Variants in CCT6B observed in about 807,000 individuals in gnomAD.
CCT6B encodes probable T-complex protein 1 subunit zeta-2.
Under a neutral mutation model 61.5 loss-of-function variants are expected in CCT6B, and 49 were observed. The ratio of observed to expected loss-of-function variants is 0.80; its 90% CI spans 0.63 to 1.01. CCT6B has a LOEUF of 1.01. CCT6B is among the 50% of genes least tolerant of loss of function. CCT6B has a pLI of 0.00. For missense variants in CCT6B, 666 were observed against 634.7 expected (o/e 1.05, Z -0.53); for synonymous variants, 228 against 214.5 (o/e 1.06, Z -0.55).
intron 1 of CCT6B, among the ~76,000 whole-genome samples, chr17:34,960,896 C>CA (rs2090406501): frequency 6.6e-6 from 1 of 152,186 alleles, no homozygotes; most frequent in Non-Finnish European, 1.5e-5. Context: ...CATTGCCATA[C>CA]AAAAAACAAA....
chr17:34,949,473 A>AG (rs2090266053), intron 5 of CCT6B: 2 of 145,088 alleles, frequency 1.4e-5, no homozygotes, highest in South Asian at 5.0e-4. Flanking sequence ...AAAAAAAAAA[A>AG]GAAAGGAAAG....
At chr17:34,953,335 A>C (rs1384600826) in intron 4 of CCT6B, among the ~76,000 whole-genome samples, 1 of 128,914 alleles carries the variant, frequency 7.8e-6, no homozygotes, top group Non-Finnish European at 1.7e-5. Flanking sequence ...ATATATATAT[A>C]TATATATTTT....
At chr17:34,947,690 C>G (rs2090239678) in intron 5 of CCT6B, among the ~76,000 whole-genome samples, 1 of 152,050 alleles carries the variant, frequency 6.6e-6, no homozygotes. Flanking sequence ...ATGCAAAAAG[C>G]TACACAGATG....
chr17:34,959,548 G>A, intron 2 of CCT6B, 39 bp downstream of exon 2: 1 of 1,441,360 alleles, frequency 6.9e-7, no homozygotes, highest in Non-Finnish European at 9.8e-7. Context: ...TCTAATTAAG[G>A]CTTATTAAGG....
Position 34,939,293 on chromosome 17 carries a change from T to A in CCT6B, c.1103A>T (p.Asn368Ile). 6.2e-7 allele frequency: 1 copy of A among 1,613,508 alleles called. No homozygotes were observed. Among genetic ancestry groups the A allele is most frequent in the Non-Finnish European group, 8.5e-7 (1 of 1,179,708 alleles). Residue 368 changes from asparagine (N) to isoleucine (I), a missense_variant, in exon 10 of 14, where the codon AAC becomes ATC. Transcript: ENST00000314144. Reference sequence around the variant, plus strand: ...AACCAACAAGGTAACAGAGCAAGGGTTAACACACTCCTCAATAAAAGTGAA... The same window carrying A: ...AACCAACAAGGTAACAGAGCAAGGGATAACACACTCCTCAATAAAAGTGAA... ...EKFTFIEECVNPCSVTLLVKG... is the reference protein window; with the variant it reads ...EKFTFIEECVIPCSVTLLVKG...
At chr17:34,950,233 A>G (rs1296778038) in intron 5 of CCT6B, among the ~76,000 whole-genome samples, 1 of 152,258 alleles carries the variant, frequency 6.6e-6, no homozygotes, top group Admixed American at 6.5e-5. Flanking sequence ...AGAAAAATTT[A>G]AGGTCTTAAG....
chr17:34,934,521 A>C (rs572223467), intron 10 of CCT6B, among the ~76,000 whole-genome samples: 7 of 152,322 alleles, frequency 4.6e-5, no homozygotes, highest in Admixed American at 1.3e-4. Flanking sequence ...GCAGCAAATC[A>C]GATTTAGCTC....
In CCT6B at chr17:34,927,865, C is replaced by T. The variant is rs1470746325; in HGVS notation, c.*183G>A. ...GAAATATTTAAATATTATTCCTTTA[C>T]TGTAAAAGTATTTATTGTGTTCTTT... On this transcript the variant is annotated 3_prime_UTR_variant, in exon 14 of 14. Transcript: ENST00000314144. 6 of 440,428 alleles carry T rather than the reference C, an allele frequency of 1.4e-5. No homozygotes were observed. The highest frequency in any genetic ancestry group is 4.3e-5 in the Admixed American group (1 of 23,528). 27.3% of individuals were successfully genotyped at this position (440,428 alleles called of 1,614,324 possible). A position where few individuals can be genotyped will look rare whatever the true frequency, so the allele number is the denominator to read the frequency against.
intron 5 of CCT6B, among the ~76,000 whole-genome samples, chr17:34,948,931 A>G (rs1347565579): frequency 6.6e-6 from 1 of 151,710 alleles, no homozygotes; most frequent in African/African-American, 2.4e-5. Context: ...GCTACTCAAG[A>G]GGCTAAGGTG....
Position 34,927,895 on chromosome 17 carries a change from C to T in CCT6B, c.*153G>A, listed in dbSNP as rs1223988425. On this transcript the variant is annotated 3_prime_UTR_variant, in exon 14 of 14. Coordinates refer to ENST00000314144, the MANE Select transcript of CCT6B (RefSeq NM_006584.4). ...AAAGTATTTATTGTGTTCTTTATAC[C>T]TTGATGAAATATTTTTGAGACTATT... The T allele has an allele frequency of 2.2e-5, 11 of 502,130 alleles. No homozygotes were observed. Among genetic ancestry groups the T allele is most frequent in the South Asian group, 3.7e-5 (1 of 27,260 alleles). 31.1% of individuals were successfully genotyped at this position (502,130 alleles called of 1,614,324 possible).
At chr17:34,929,647 G>A (rs902607442) in intron 12 of CCT6B, among the ~76,000 whole-genome samples, 1 of 151,832 alleles carries the variant, frequency 6.6e-6, no homozygotes, top group African/African-American at 2.4e-5. Flanking sequence ...CCAAGTAGCT[G>A]GGATTATAGG....
intron 1 of CCT6B, among the ~76,000 whole-genome samples, chr17:34,960,537 T>G (rs768597539): frequency 6.6e-6 from 1 of 152,222 alleles, no homozygotes; most frequent in Non-Finnish European, 1.5e-5. Flanking sequence ...ATTATATGCA[T>G]CTATATATAA....
At chr17:34,948,359 T>A (rs1051990894) in intron 5 of CCT6B, among the ~76,000 whole-genome samples, 1 of 152,074 alleles carries the variant, frequency 6.6e-6, no homozygotes, top group Non-Finnish European at 1.5e-5. Context: ...CAAAAAATCA[T>A]GTAAAGAGAG....
At chr17:34,948,726 AAAAAC>A (rs2090254186) in intron 5 of CCT6B, among the ~76,000 whole-genome samples, 1 of 151,084 alleles carries the variant, frequency 6.6e-6, no homozygotes. Flanking sequence ...AAAAAAAAAA[AAAAAC>A]AAAACAAAAC....
intron 12 of CCT6B, 84 bp from the exon 13 acceptor site, chr17:34,929,118 A>G (rs1597733184): frequency 1.2e-6 from 1 of 837,938 alleles, no homozygotes; most frequent in East Asian, 2.7e-5. Context: ...TATTTAATAC[A>G]TTACCAAAAC....
chr17:34,940,367 A>G (rs888151875), intron 8 of CCT6B, among the ~76,000 whole-genome samples, 172 bp downstream of exon 8: 15 of 152,322 alleles, frequency 9.8e-5, no homozygotes, highest in African/African-American at 3.1e-4. Flanking sequence ...TAGGTTAACA[A>G]CCTTGCTTTT....
At chr17:34,938,445 T>C (rs2090119444) in intron 10 of CCT6B, among the ~76,000 whole-genome samples, 1 of 151,958 alleles carries the variant, frequency 6.6e-6, no homozygotes, top group African/African-American at 2.4e-5. Context: ...GGCATGCACC[T>C]ATCGTCCAGC....
intron 10 of CCT6B, 91 bp downstream of exon 10, chr17:34,939,092 C>T: frequency 9.3e-7 from 1 of 1,071,736 alleles, no homozygotes; most frequent in South Asian, 1.8e-5. Flanking sequence ...TAAAAATATA[C>T]ATATATACAT....
intron 7 of CCT6B, 113 bp from the exon 8 acceptor site, chr17:34,940,734 TTTTG>T: frequency 2.2e-6 from 1 of 457,412 alleles, no homozygotes; most frequent in South Asian, 4.9e-5. Context: ...CCCAAAAAGC[TTTTG>T]TTTATGTAAG....
Sources: gnomAD v4.1 joint callset for allele counts (sites outside exome capture counted in the v4.1 genomes callset) on GRCh38, gnomAD v4.1.1 for gene constraint, MANE v1.5 for transcripts, NCBI Gene and HGNC (gene_info 2026-07-23, HGNC 2026-07-21) for gene names.